SEM1: variants seen among roughly 807,000 people sequenced by gnomAD.
The protein encoded by SEM1 is SEM1 26S proteasome subunit, also known as 26S proteasome complex subunit SEM1.
SEM1 carries 3 observed loss-of-function variants against 12.7 expected under a neutral mutation model. The observed-to-expected ratio is 0.24, with a 90% CI of 0.11 to 0.61. The LOEUF (loss-of-function observed/expected upper bound fraction) is 0.61. Among genes scored for constraint, SEM1 ranks in the 20% least tolerant of loss-of-function variants. SEM1 has a pLI of 0.88. For synonymous variants in SEM1, 30 were observed against 27.8 expected (o/e 1.08, Z -0.25); for missense variants, 59 against 81.3 (o/e 0.73, Z 1.06).
At chr7:96,543,410 G>A (rs1413666475) in intron 2 of SEM1, among the ~76,000 whole-genome samples, 1 of 151,804 alleles carries the variant, frequency 6.6e-6, no homozygotes, top group Non-Finnish European at 1.5e-5. Context: ...TGTATACTGA[G>A]AGACAACTAT....
intron 2 of SEM1, among the ~76,000 whole-genome samples, chr7:96,538,892 G>T (rs1338484006): frequency 2.0e-5 from 3 of 151,772 alleles, no homozygotes; most frequent in Non-Finnish European, 4.4e-5. Flanking sequence ...ATTGCACAAT[G>T]ATTACTCCTC....
intron 2 of SEM1, among the ~76,000 whole-genome samples, chr7:96,535,518 C>T (rs1804761563): frequency 2.0e-5 from 3 of 151,744 alleles, no homozygotes; most frequent in Non-Finnish European, 4.4e-5. Context: ...GTTATATAGG[C>T]AAACTCACAA....
At chr7:96,525,193 G>T (rs1804410960) in intron 2 of SEM1, among the ~76,000 whole-genome samples, 1 of 151,222 alleles carries the variant, frequency 6.6e-6, no homozygotes, top group African/African-American at 2.4e-5. Flanking sequence ...CCAATCTCAG[G>T]CTCTTATATA....
At chr7:96,608,144 C>T (rs555910018) in intron 2 of SEM1, among the ~76,000 whole-genome samples, 4 of 152,174 alleles carry the variant, frequency 2.6e-5, no homozygotes, top group African/African-American at 7.2e-5. Flanking sequence ...AGTGGATACC[C>T]GAGATGATTC....
chr7:96,498,498 A>G (rs983662546), upstream of SEM1, among the ~76,000 whole-genome samples: 2 of 152,170 alleles, frequency 1.3e-5, no homozygotes, highest in African/African-American at 4.8e-5. Context: ...ACTTATTTCT[A>G]TTCTGCTGTT....
At chr7:96,586,339 G>A (rs1584787293) in intron 2 of SEM1, among the ~76,000 whole-genome samples, 1 of 152,136 alleles carries the variant, frequency 6.6e-6, no homozygotes. Flanking sequence ...CCCAGAGGCT[G>A]TACATGTCCC....
At chr7:96,666,484 T>A (rs879750845) in intron 2 of SEM1, among the ~76,000 whole-genome samples, 1 of 148,982 alleles carries the variant, frequency 6.7e-6, no homozygotes, top group African/African-American at 2.4e-5. Context: ...AGAGATAGTA[T>A]AACATCCAGC....
chr7:96,515,177 G>A (rs538433365), intron 2 of SEM1, among the ~76,000 whole-genome samples: 18 of 152,060 alleles, frequency 1.2e-4, no homozygotes, highest in African/African-American at 3.6e-4. Flanking sequence ...CAGAACAACC[G>A]GATATCCACA....
At chr7:96,578,363 G>GA (rs1256164263) in intron 2 of SEM1, among the ~76,000 whole-genome samples, 33 of 151,038 alleles carry the variant, frequency 2.2e-4, no homozygotes, top group African/African-American at 7.0e-4. Flanking sequence ...GGTGATAGAG[G>GA]AAAAAAAACA....
intron 2 of SEM1, among the ~76,000 whole-genome samples, chr7:96,539,768 A>G (rs1804892684): frequency 6.6e-6 from 1 of 151,774 alleles, no homozygotes; most frequent in Non-Finnish European, 1.5e-5. Context: ...GTTTCATGAT[A>G]TGTGCTCAAT....
chr7:96,586,023 G>T (rs1806622518), intron 2 of SEM1, among the ~76,000 whole-genome samples: 3 of 152,152 alleles, frequency 2.0e-5, no homozygotes, highest in African/African-American at 7.2e-5. Context: ...AGTATTTGTA[G>T]AGATGAGGTC....
intron 2 of SEM1, among the ~76,000 whole-genome samples, chr7:96,568,935 T>A (rs1805934858): frequency 6.6e-6 from 1 of 151,980 alleles, no homozygotes. Flanking sequence ...AACTAGTTTG[T>A]CATAACATAT....
chr7:96,496,396 C>A, upstream of SEM1: 1 of 827,542 alleles, frequency 1.2e-6, no homozygotes, highest in Non-Finnish European at 1.9e-6. Context: ...TAAAGCCAAA[C>A]TTCACAAATG....
At chr7:96,540,306 C>T (rs977393415) in intron 2 of SEM1, among the ~76,000 whole-genome samples, 4 of 151,402 alleles carry the variant, frequency 2.6e-5, no homozygotes, top group East Asian at 3.9e-4. Context: ...ATGTCGGGTT[C>T]ACACAATACA....
rs755622912 is a variant in SEM1, at chr7:96,694,904, A to G, written c.77-13T>C. 1.3e-6 allele frequency: 2 copies of G among 1,560,572 alleles called. No individual in the cohort carries two copies. The highest frequency in any genetic ancestry group is 2.2e-5 in the South Asian group (2 of 89,040). ...AAGCCAGCCCAGTCTAAAAATAGAA[A>G]CAGATGCTGTCTAAATATTTCTCAT... is the stretch of plus-strand genomic sequence containing the variant. On this transcript the variant is annotated splice_polypyrimidine_tract_variant and intron_variant, in intron 1 of 2. Coordinates refer to ENST00000248566, the MANE Select transcript of SEM1 (RefSeq NM_006304.2).
chr7:96,641,925 C>A (rs537327637), intron 2 of SEM1, among the ~76,000 whole-genome samples: 7 of 151,892 alleles, frequency 4.6e-5, no homozygotes, highest in African/African-American at 1.7e-4. Context: ...TCAAAAAAGT[C>A]CTATTTCCTT....
At chr7:96,592,683 G>A (rs1806865184) in intron 2 of SEM1, among the ~76,000 whole-genome samples, 1 of 151,682 alleles carries the variant, frequency 6.6e-6, no homozygotes. Context: ...AGATTTAGAA[G>A]GTTGAAGGTG....
chr7:96,573,446 T>C (rs1377884626), intron 2 of SEM1, among the ~76,000 whole-genome samples: 1 of 152,230 alleles, frequency 6.6e-6, no homozygotes, highest in Admixed American at 6.5e-5. Flanking sequence ...TCAGGAGCTC[T>C]TGTAAGGCAG....
At chr7:96,593,639 A>G (rs996478487) in intron 2 of SEM1, among the ~76,000 whole-genome samples, 1 of 152,242 alleles carries the variant, frequency 6.6e-6, no homozygotes, top group African/African-American at 2.4e-5. Context: ...ATCAAACTGC[A>G]TACACAAATT....
Sources: gnomAD v4.1 joint callset for allele counts (sites outside exome capture counted in the v4.1 genomes callset) on GRCh38, gnomAD v4.1.1 for gene constraint, MANE v1.5 for transcripts, NCBI Gene and HGNC (gene_info 2026-07-23, HGNC 2026-07-21) for gene names.